The following UNC5D variants were observed in gnomAD, a reference collection of about 807,000 sequenced individuals.
The protein encoded by UNC5D is netrin receptor UNC5D.
UNC5D carries 39 observed loss-of-function variants against 105.4 expected under a neutral mutation model. That is an observed-to-expected ratio of 0.37 (90% CI 0.29 to 0.48). UNC5D has a LOEUF of 0.48. Ranked by LOEUF, UNC5D falls within the 20% of genes least tolerant of loss-of-function variation. The pLI, the probability that UNC5D is intolerant of heterozygous loss-of-function variation, is 0.98. For missense variants in UNC5D, 991 were observed against 1,202.4 expected (o/e 0.82, Z 2.60); for synonymous variants, 452 against 450.4 (o/e 1.00, Z -0.04).
intron 8 of UNC5D, among the ~76,000 whole-genome samples, chr8:35,708,700 G>A (rs1405615317): frequency 6.6e-6 from 1 of 152,118 alleles, no homozygotes; most frequent in African/African-American, 2.4e-5. Context: ...AAAGGATTTA[G>A]CTTTTCCCTG....
chr8:35,615,640 C>T (rs978338196), intron 4 of UNC5D, among the ~76,000 whole-genome samples: 1 of 152,082 alleles, frequency 6.6e-6, no homozygotes, highest in African/African-American at 2.4e-5. Context: ...TTTTTCCCTC[C>T]TAAAGGCTTT....
chr8:35,613,000 G>A (rs917566853), intron 4 of UNC5D, among the ~76,000 whole-genome samples: 2 of 152,232 alleles, frequency 1.3e-5, no homozygotes, highest in Middle Eastern at 3.4e-3. Flanking sequence ...GAAACCCTCT[G>A]CAGAGGATGG....
At chr8:35,274,531 G>A (rs1805641485) in intron 1 of UNC5D, among the ~76,000 whole-genome samples, 2 of 152,166 alleles carry the variant, frequency 1.3e-5, no homozygotes, top group Non-Finnish European at 2.9e-5. Flanking sequence ...GAAGACGACG[G>A]CCTGTGGATT....
intron 1 of UNC5D, among the ~76,000 whole-genome samples, chr8:35,381,589 A>C (rs1803045877): frequency 6.6e-6 from 1 of 152,182 alleles, no homozygotes. Context: ...TTAATTCAAG[A>C]GAAGATGATC....
intron 11 of UNC5D, among the ~76,000 whole-genome samples, chr8:35,743,470 G>T (rs1829860812): frequency 6.6e-6 from 1 of 151,394 alleles, no homozygotes; most frequent in Non-Finnish European, 1.5e-5. Context: ...TAGAGATGGG[G>T]TCTCACCATG....
chr8:35,601,610 T>G (rs1243729266), intron 4 of UNC5D, among the ~76,000 whole-genome samples: 2 of 152,184 alleles, frequency 1.3e-5, no homozygotes, highest in Non-Finnish European at 2.9e-5. Flanking sequence ...TGTCTGTTAT[T>G]GGTGTATAAG....
chr8:35,628,594 T>G (rs1390924476), intron 4 of UNC5D, among the ~76,000 whole-genome samples: 1 of 152,218 alleles, frequency 6.6e-6, no homozygotes, highest in Non-Finnish European at 1.5e-5. Flanking sequence ...TTCTTAGTAT[T>G]GAAACTTAAA....
intron 1 of UNC5D, among the ~76,000 whole-genome samples, chr8:35,541,274 A>G (rs1486944124): frequency 6.6e-6 from 1 of 152,194 alleles, no homozygotes; most frequent in African/African-American, 2.4e-5. Flanking sequence ...TGTTTATCTT[A>G]TTGAACACGA....
At chr8:35,510,022 G>T (rs558247297) in intron 1 of UNC5D, among the ~76,000 whole-genome samples, 1 of 152,136 alleles carries the variant, frequency 6.6e-6, no homozygotes, top group Non-Finnish European at 1.5e-5. Flanking sequence ...CTCTTTGGGT[G>T]CACCATCATT....
intron 4 of UNC5D, among the ~76,000 whole-genome samples, chr8:35,606,621 T>C (rs530174855): frequency 6.6e-6 from 1 of 152,290 alleles, no homozygotes; most frequent in East Asian, 1.9e-4. Flanking sequence ...ATTCCTTTCT[T>C]TGTGTCCATG....
At chr8:35,247,596 T>A (rs1323224885) in intron 1 of UNC5D, among the ~76,000 whole-genome samples, 1 of 101,144 alleles carries the variant, frequency 9.9e-6, no homozygotes, top group Non-Finnish European at 1.8e-5. Flanking sequence ...AAAATATATA[T>A]AATATATAAA....
chr8:35,731,429 A>G lies in UNC5D; in HGVS notation c.1766+333A>G, dbSNP rs1241116750. On this transcript the variant is annotated intron_variant, in intron 11 of 16. Coordinates refer to ENST00000404895, the MANE Select transcript of UNC5D (RefSeq NM_080872.4). Reference sequence around the variant, plus strand: ...AAAAAAAAAAAAAAAAAAAAAAAAAAGGGCATTTTAAATATGGACTGGAAC... The same window carrying G: ...AAAAAAAAAAAAAAAAAAAAAAAAAGGGGCATTTTAAATATGGACTGGAAC... 2.2e-4 allele frequency among the ~76,000 whole-genome samples: 33 copies of G among 148,786 alleles called. 1 individual carries two copies. The highest frequency in any genetic ancestry group is 1.9e-3 in the Admixed American group (29 of 14,992).
chr8:35,780,877 T>C (rs908729336), intron 16 of UNC5D, among the ~76,000 whole-genome samples: 4 of 152,210 alleles, frequency 2.6e-5, no homozygotes, highest in Admixed American at 6.5e-5. Flanking sequence ...ATAAGGATGT[T>C]TTTATAATTT....
intron 1 of UNC5D, among the ~76,000 whole-genome samples, chr8:35,487,561 C>T (rs1294191183): frequency 7.7e-6 from 1 of 130,080 alleles, no homozygotes; most frequent in South Asian, 2.5e-4. Flanking sequence ...CTCTCTCTCT[C>T]TCTGTACACA....
chr8:35,298,778 A>G (rs146228677), intron 1 of UNC5D, among the ~76,000 whole-genome samples: 10 of 152,262 alleles, frequency 6.6e-5, no homozygotes, highest in East Asian at 5.8e-4. Context: ...AAGGATATAT[A>G]CTTGGCAGTA....
At chr8:35,680,507 C>T (rs879088860) in intron 4 of UNC5D, among the ~76,000 whole-genome samples, 1 of 151,794 alleles carries the variant, frequency 6.6e-6, no homozygotes. Context: ...AAAGTTTGAG[C>T]GTTCATATTA....
At chr8:35,396,347 A>AAGC (rs1421245474) in intron 1 of UNC5D, among the ~76,000 whole-genome samples, 1 of 152,128 alleles carries the variant, frequency 6.6e-6, no homozygotes, top group Non-Finnish European at 1.5e-5. Flanking sequence ...GAGTCGGGGA[A>AAGC]AGCAGGCACA....
rs71547636 is a variant in UNC5D, at chr8:35,495,458, CAAAA to C, written c.104-53814_104-53811del. 1.4e-3 allele frequency among the ~76,000 whole-genome samples: 61 copies of C among 44,622 alleles called. No individual in the cohort carries two copies. The South Asian group carries it at 0.018, about 13-fold the overall frequency. The allele number at this position is 44,622 out of a possible 152,430, so 29.3% of individuals were successfully genotyped here. A position where few individuals can be genotyped will look rare whatever the true frequency, so the allele number is the denominator to read the frequency against. ...GAAAGCTGATGAACAACAACAACAA[CAAAA>C]AAAAAAAAAAAAAAAAAAAGCAAAA... On this transcript the variant is annotated intron_variant, in intron 1 of 16. Coordinates refer to ENST00000404895, the MANE Select transcript of UNC5D (RefSeq NM_080872.4).
At chr8:35,757,688 A>G (rs1335677616) in intron 13 of UNC5D, among the ~76,000 whole-genome samples, 1 of 152,138 alleles carries the variant, frequency 6.6e-6, no homozygotes, top group Non-Finnish European at 1.5e-5. Flanking sequence ...CCCAGCTCCA[A>G]CATAGCTCTG....
Sources: allele counts gnomAD v4.1 joint callset (sites outside exome capture counted in the v4.1 genomes callset), GRCh38; gene constraint gnomAD v4.1.1; transcripts MANE v1.5; gene names NCBI Gene and HGNC (gene_info 2026-07-23, HGNC 2026-07-21).